The following DPYD variants were observed in gnomAD, a reference collection of about 807,000 sequenced individuals.
DPYD encodes the protein dihydropyrimidine dehydrogenase [NADP(+)].
A neutral mutation model predicts 116.2 loss-of-function variants in DPYD; 109 were observed. The ratio of observed to expected loss-of-function variants is 0.94; its 90% CI spans 0.80 to 1.10. The LOEUF is 1.10. DPYD is among the 50% of genes least tolerant of loss of function. DPYD has a pLI of 0.00. For synonymous variants in DPYD, 440 were observed against 432.0 expected (o/e 1.02, Z -0.23); for missense variants, 1,302 against 1,254.5 (o/e 1.04, Z -0.57).
chr1:97,197,163 T>C (rs1389254185), intron 19 of DPYD, among the ~76,000 whole-genome samples: 1 of 152,160 alleles, frequency 6.6e-6, no homozygotes, highest in Non-Finnish European at 1.5e-5. Flanking sequence ...AAAAAATCTG[T>C]TTCTCAGGAG....
intron 2 of DPYD, among the ~76,000 whole-genome samples, chr1:97,859,503 C>G (rs1671011717): frequency 6.6e-6 from 1 of 152,126 alleles, no homozygotes; most frequent in Non-Finnish European, 1.5e-5. Flanking sequence ...AGTGAAAATG[C>G]TATATAAACT....
At chr1:97,282,109 C>T (rs1364990882) in intron 18 of DPYD, among the ~76,000 whole-genome samples, 1 of 152,010 alleles carries the variant, frequency 6.6e-6, no homozygotes, top group Non-Finnish European at 1.5e-5. Flanking sequence ...TAAACCTACA[C>T]TGAGGGATGT....
intron 11 of DPYD, 117 bp downstream of exon 11, chr1:97,573,643 T>C: frequency 7.7e-7 from 1 of 1,290,786 alleles, no homozygotes; most frequent in Non-Finnish European, 1.1e-6. Context: ...TTTTACTTCT[T>C]AACTAGAAGA....
chr1:97,693,148 A>G lies in DPYD; in HGVS notation c.681-1350T>C, dbSNP rs376364929. On this transcript the variant is annotated intron_variant, in intron 6 of 22. Coordinates refer to ENST00000370192, the MANE Select transcript of DPYD (RefSeq NM_000110.4). ...TACTAAAAATACAAAAAAATTAGCC[A>G]GGCATAGTGGCGGGCACCTGTAGTC... 9.9e-4 allele frequency among the ~76,000 whole-genome samples: 151 copies of G among 151,900 alleles called. 1 individual carries two copies. In the East Asian group the frequency reaches 0.026, roughly 26 times the overall value.
At chr1:97,444,890 T>C (rs1675993759) in intron 14 of DPYD, among the ~76,000 whole-genome samples, 1 of 152,122 alleles carries the variant, frequency 6.6e-6, no homozygotes, top group African/African-American at 2.4e-5. Flanking sequence ...TTTTCAATCA[T>C]GAATGTATAA....
At chr1:97,217,335 C>T (rs1164648902) in intron 19 of DPYD, among the ~76,000 whole-genome samples, 1 of 152,216 alleles carries the variant, frequency 6.6e-6, no homozygotes, top group African/African-American at 2.4e-5. Context: ...AGAGGTCATT[C>T]ATCCTAAATC....
intron 13 of DPYD, among the ~76,000 whole-genome samples, chr1:97,490,274 G>A (rs780160636): frequency 6.7e-6 from 1 of 149,902 alleles, no homozygotes; most frequent in Non-Finnish European, 1.5e-5. Flanking sequence ...CAACCATTCT[G>A]TCTCATACCT....
intron 2 of DPYD, among the ~76,000 whole-genome samples, chr1:97,849,601 A>G (rs1398707080): frequency 1.3e-5 from 2 of 151,952 alleles, no homozygotes; most frequent in African/African-American, 4.8e-5. Context: ...TGTGAACCTT[A>G]GAAGTTTGGC....
chr1:97,558,785 T>A (rs934665929), intron 11 of DPYD, among the ~76,000 whole-genome samples: 5 of 152,162 alleles, frequency 3.3e-5, no homozygotes, highest in Non-Finnish European at 7.4e-5. Context: ...AATTCAGAAT[T>A]AAAATAGTCC....
chr1:97,237,339 G>A (rs1475414864), intron 18 of DPYD, among the ~76,000 whole-genome samples: 1 of 148,632 alleles, frequency 6.7e-6, no homozygotes, highest in Non-Finnish European at 1.5e-5. Flanking sequence ...CATGACTACT[G>A]CTTTTGTACT....
In DPYD at chr1:97,098,513, G is replaced by C; in HGVS notation, c.2742C>G (p.Pro914=). The change falls in exon 21 of 23, where the codon CCC becomes CCG. Residue 914 remains proline, a synonymous_variant. Transcript: ENST00000370192. ...FSPLKRNCFI[P]KRPIPTIKDV... ...CCTTGATGGTAGGAATAGGCCTTTT[G>C]GGGATAAAACAGTTTCTCTTAAGTG... 6.2e-7 allele frequency: 1 copy of C among 1,612,888 alleles called. No individual in the cohort carries two copies. The highest frequency in any genetic ancestry group is 8.5e-7 in the Non-Finnish European group (1 of 1,179,308).
chr1:97,627,919 T>C, intron 8 of DPYD, among the ~76,000 whole-genome samples: 1 of 152,042 alleles, frequency 6.6e-6, no homozygotes, highest in East Asian at 1.9e-4. Flanking sequence ...TTTTGAGCCA[T>C]GCTAAAGACT....
rs189158921 is a variant in DPYD, at chr1:97,439,309, A to G, written c.1905+10750T>C. The stretch of plus-strand genomic sequence containing the variant: ...TGTTGAGAAGTATTCCCTCTATTTT[A>G]CATTTCTGAAAGGTATGTATAGAAC... On this transcript the variant is annotated intron_variant, in intron 14 of 22. Transcript: ENST00000370192. Among the ~76,000 whole-genome samples, 29 of 152,198 alleles carry G rather than the reference A, an allele frequency of 1.9e-4. 1 individual carries two copies. The highest frequency in any genetic ancestry group is 1.8e-3 in the Admixed American group (27 of 15,270).
At chr1:97,813,497 A>C (rs949903443) in intron 3 of DPYD, among the ~76,000 whole-genome samples, 2 of 152,136 alleles carry the variant, frequency 1.3e-5, no homozygotes, top group Non-Finnish European at 2.9e-5. Flanking sequence ...ATTACTCTAA[A>C]CTCTCCTGAA....
intron 16 of DPYD, 69 bp from the exon 17 acceptor site, chr1:97,306,366 A>C (rs1667171233): frequency 6.3e-7 from 1 of 1,599,894 alleles, no homozygotes; most frequent in African/African-American, 1.3e-5. Context: ...TACTGGAACA[A>C]CAGCAAAGCT....
chr1:97,531,096 A>G (rs1277743202), intron 12 of DPYD, among the ~76,000 whole-genome samples: 2 of 152,162 alleles, frequency 1.3e-5, no homozygotes, highest in African/African-American at 2.4e-5. Flanking sequence ...TTCCTTAGCT[A>G]TGCAGAAGTT....
At chr1:97,818,143 C>T (rs1465616923) in intron 3 of DPYD, among the ~76,000 whole-genome samples, 1 of 151,954 alleles carries the variant, frequency 6.6e-6, no homozygotes, top group East Asian at 1.9e-4. Context: ...CAAACAGATA[C>T]ATTCTGTATA....
intron 13 of DPYD, among the ~76,000 whole-genome samples, chr1:97,482,799 T>C (rs1462450080): frequency 6.6e-6 from 1 of 152,080 alleles, no homozygotes; most frequent in Non-Finnish European, 1.5e-5. Context: ...TAACTTCCTA[T>C]GATGGAAGCT....
At chr1:97,167,659 A>C (rs916303613) in intron 20 of DPYD, among the ~76,000 whole-genome samples, 2 of 152,170 alleles carry the variant, frequency 1.3e-5, no homozygotes, top group Admixed American at 6.5e-5. Flanking sequence ...GCTAACAAAC[A>C]TTCATTTAAA....
Sources: gnomAD v4.1 joint callset for allele counts (sites outside exome capture counted in the v4.1 genomes callset) on GRCh38, gnomAD v4.1.1 for gene constraint, MANE v1.5 for transcripts, NCBI Gene and HGNC (gene_info 2026-07-23, HGNC 2026-07-21) for gene names.